KCNJ1: variants seen among roughly 807,000 people sequenced by gnomAD.
KCNJ1 encodes the protein ATP-sensitive inward rectifier potassium channel 1.
Under a neutral mutation model 21.9 loss-of-function variants are expected in KCNJ1, and 24 were observed. The observed-to-expected ratio is 1.10, with a 90% CI of 0.79 to 1.54. The LOEUF (loss-of-function observed/expected upper bound fraction) is 1.54, where lower values mean the gene tolerates loss of function less well. Ranked by LOEUF, KCNJ1 falls within the 40% of genes most tolerant of loss-of-function variation. KCNJ1 has a pLI of 0.00. For synonymous variants in KCNJ1, 152 were observed against 160.9 expected (o/e 0.94, Z 0.42); for missense variants, 457 against 455.4 (o/e 1.00, Z -0.03).
At chr11:128,841,553 C>T (rs1013220387) in intron 2 of KCNJ1, among the ~76,000 whole-genome samples, 3 of 152,072 alleles carry the variant, frequency 2.0e-5, no homozygotes, top group East Asian at 1.9e-4. Context: ...CACCCTGGTC[C>T]GCAATGTCTT....
At chr11:128,859,447 C>T (rs1020553059) in intron 1 of KCNJ1, among the ~76,000 whole-genome samples, 2 of 152,176 alleles carry the variant, frequency 1.3e-5, no homozygotes, top group African/African-American at 4.8e-5. Context: ...TGAGGTCTCA[C>T]TAGGTTACCC....
At chr11:128,844,084 T>C (rs1943338014) in intron 2 of KCNJ1, among the ~76,000 whole-genome samples, 3 of 152,342 alleles carry the variant, frequency 2.0e-5, no homozygotes, top group South Asian at 4.1e-4. Context: ...TGAATGATGA[T>C]AAATACATTA....
At chr11:128,846,383 A>ATT (rs1943379875) in intron 2 of KCNJ1, among the ~76,000 whole-genome samples, 1 of 152,204 alleles carries the variant, frequency 6.6e-6, no homozygotes, top group African/African-American at 2.4e-5. Context: ...TGGTTCCCAA[A>ATT]TTTCAAACTA....
At chr11:128,852,931 A>T (rs1943503096) in intron 1 of KCNJ1, among the ~76,000 whole-genome samples, 1 of 152,244 alleles carries the variant, frequency 6.6e-6, no homozygotes, top group Non-Finnish European at 1.5e-5. Flanking sequence ...GGCCGGTGGT[A>T]CCTACAAAAG....
intron 1 of KCNJ1, among the ~76,000 whole-genome samples, chr11:128,865,771 T>C (rs3016774): frequency 0.18 from 27,619 of 152,078 alleles, 2,599 homozygotes; most frequent in South Asian, 0.31. Context: ...AAAAACACAT[T>C]ACTGAGGAAA....
chr11:128,848,192 G>T (rs1943416553), intron 2 of KCNJ1, among the ~76,000 whole-genome samples: 1 of 151,512 alleles, frequency 6.6e-6, no homozygotes, highest in Admixed American at 6.6e-5. Context: ...GGAGGCTGAG[G>T]CAGGAGAATG....
intron 1 of KCNJ1, chr11:128,866,533 C>A (rs1160614665): frequency 2.0e-5 from 20 of 977,684 alleles, no homozygotes; most frequent in Non-Finnish European, 2.4e-5. Flanking sequence ...CTGTTCAGAG[C>A]AGAGATAAAC....
chr11:128,854,545 G>A (rs550153316), intron 1 of KCNJ1, among the ~76,000 whole-genome samples: 1 of 152,248 alleles, frequency 6.6e-6, no homozygotes, highest in African/African-American at 2.4e-5. Context: ...ACGTGACTGG[G>A]ATGGGGACCT....
intron 2 of KCNJ1, among the ~76,000 whole-genome samples, chr11:128,846,507 T>C (rs1165841996): frequency 3.3e-5 from 5 of 151,926 alleles, no homozygotes; most frequent in African/African-American, 1.2e-4. Flanking sequence ...TCCGTGAGAG[T>C]GATGAAGGTT....
chr11:128,860,314 C>G (rs1943681165), intron 1 of KCNJ1, among the ~76,000 whole-genome samples: 1 of 152,188 alleles, frequency 6.6e-6, no homozygotes, highest in African/African-American at 2.4e-5. Context: ...GACAGGCCGG[C>G]AGGACACTGT....
intron 2 of KCNJ1, among the ~76,000 whole-genome samples, chr11:128,848,273 G>C (rs1282460507): frequency 7.8e-6 from 1 of 129,020 alleles, no homozygotes. Context: ...GGGTGACAGA[G>C]CAAGACTCCG....
intron 1 of KCNJ1, among the ~76,000 whole-genome samples, chr11:128,860,917 T>C (rs999521801): frequency 6.6e-6 from 1 of 152,192 alleles, no homozygotes; most frequent in African/African-American, 2.4e-5. Flanking sequence ...GGCCTGCCTG[T>C]AATACTTCAA....
chr11:128,858,446 G>C (rs937614367), intron 1 of KCNJ1, among the ~76,000 whole-genome samples: 10 of 152,138 alleles, frequency 6.6e-5, no homozygotes, highest in African/African-American at 2.4e-4. Context: ...AACAGCTAGG[G>C]TTTGTTGAAG....
intron 1 of KCNJ1, among the ~76,000 whole-genome samples, chr11:128,862,447 C>G (rs1484581774): frequency 6.6e-6 from 1 of 152,220 alleles, no homozygotes; most frequent in African/African-American, 2.4e-5. Context: ...TCTCCACTCC[C>G]TCTGAGGGGA....
intron 1 of KCNJ1, among the ~76,000 whole-genome samples, chr11:128,859,033 A>G (rs371396981): frequency 6.6e-6 from 1 of 152,194 alleles, no homozygotes; most frequent in Non-Finnish European, 1.5e-5. Flanking sequence ...GATTGGGGTT[A>G]AATGGTTAGT....
chr11:128,842,398 T>G, intron 2 of KCNJ1: 1 of 1,613,818 alleles, frequency 6.2e-7, no homozygotes. Context: ...GTCAAACACA[T>G]TCCGACTGGA....
chr11:128,855,543 C>T (rs1229897644), intron 1 of KCNJ1, among the ~76,000 whole-genome samples: 1 of 152,218 alleles, frequency 6.6e-6, no homozygotes, highest in Non-Finnish European at 1.5e-5. Flanking sequence ...AAAGATGGGG[C>T]TCCACAGGTG....
At chr11:128,851,135 A>G (rs1451947171) in intron 1 of KCNJ1, among the ~76,000 whole-genome samples, 2 of 152,216 alleles carry the variant, frequency 1.3e-5, no homozygotes, top group African/African-American at 4.8e-5. Flanking sequence ...TTAGGATTGA[A>G]AAGTAAATTA....
chr11:128,857,202 C>T (rs1024325148), intron 1 of KCNJ1, among the ~76,000 whole-genome samples: 4 of 152,180 alleles, frequency 2.6e-5, no homozygotes, highest in African/African-American at 4.8e-5. Flanking sequence ...TGCTCCATGT[C>T]GCTAGGGACC....
Sources: gnomAD v4.1 joint callset for allele counts (sites outside exome capture counted in the v4.1 genomes callset) on GRCh38, gnomAD v4.1.1 for gene constraint, MANE v1.5 for transcripts, NCBI Gene and HGNC (gene_info 2026-07-23, HGNC 2026-07-21) for gene names.